The following COL27A1 variants were observed in gnomAD, a reference collection of about 807,000 sequenced individuals.
COL27A1 encodes the protein collagen type XXVII alpha 1 chain, also known as collagen alpha-1(XXVII) chain.
In COL27A1, 106 loss-of-function variants were observed where a neutral mutation model predicts 251.3. The ratio of observed to expected loss-of-function variants is 0.42; its 90% CI spans 0.36 to 0.50. COL27A1 has a LOEUF of 0.50. Among genes scored for constraint, COL27A1 ranks in the 20% least tolerant of loss-of-function variants. The pLI, the probability that COL27A1 is intolerant of heterozygous loss-of-function variation, is 0.00. For synonymous variants in COL27A1, 1,000 were observed against 986.3 expected (o/e 1.01, Z -0.26); for missense variants, 2,325 against 2,522.8 (o/e 0.92, Z 1.68).
At chr9:114,299,112 G>A (rs1157458356) in intron 49 of COL27A1, among the ~76,000 whole-genome samples, 1 of 151,914 alleles carries the variant, frequency 6.6e-6, no homozygotes, top group African/African-American at 2.4e-5. Context: ...GATTAAATGG[G>A]ACCCTCCCGA....
At chr9:114,181,785 ACT>A (rs1827942377) in intron 4 of COL27A1, among the ~76,000 whole-genome samples, 1 of 152,048 alleles carries the variant, frequency 6.6e-6, no homozygotes, top group Non-Finnish European at 1.5e-5. Context: ...CCATGAATAA[ACT>A]CTGGACTTGA....
At chr9:114,201,744 G>A (rs1829594655) in intron 7 of COL27A1, among the ~76,000 whole-genome samples, 1 of 151,442 alleles carries the variant, frequency 6.6e-6, no homozygotes, top group South Asian at 2.1e-4. Flanking sequence ...GTTACTCCAG[G>A]GTTTCATGAC....
chr9:114,279,879 A>G (rs150348951), intron 37 of COL27A1, among the ~76,000 whole-genome samples: 1 of 152,294 alleles, frequency 6.6e-6, no homozygotes, highest in African/African-American at 2.4e-5. Context: ...TAATTTTAAT[A>G]ATATAGTTTA....
rs747295175 is a variant in COL27A1 at position 114,219,771 on chromosome 9, TTCTC to T, written c.2368-15_2368-12del. On this transcript the variant is annotated splice_polypyrimidine_tract_variant and intron_variant, in intron 12 of 60. Coordinates refer to ENST00000356083, the MANE Select transcript of COL27A1 (RefSeq NM_032888.4). ...GACAACACTAACCTACAGATGTTTG[TTCTC>T]TCTCATGCCCTCCAGGGGTTTCCTG... 1 of 1,585,536 alleles carries T rather than the reference TTCTC, an allele frequency of 6.3e-7. No individual in the cohort carries two copies. The highest frequency in any genetic ancestry group is 8.7e-7 in the Non-Finnish European group (1 of 1,154,198).
At chr9:114,171,756 G>C (rs1849336864) in intron 3 of COL27A1, among the ~76,000 whole-genome samples, 1 of 152,172 alleles carries the variant, frequency 6.6e-6, no homozygotes, top group Admixed American at 6.5e-5. Context: ...TTAAGCCACT[G>C]TGCCTGGCCT....
At chr9:114,188,767 A>G (rs936850965) in intron 5 of COL27A1, among the ~76,000 whole-genome samples, 1 of 152,238 alleles carries the variant, frequency 6.6e-6, no homozygotes, top group African/African-American at 2.4e-5. Context: ...TGCTAGCATT[A>G]AAGGAAGATA....
At position 114,301,709 on chromosome 9, in the gene COL27A1, G is replaced by A. The variant is rs774458769; in HGVS notation, c.4837G>A (p.Gly1613Ser). The change falls in exon 55 of 61, where the codon GGC (glycine) becomes AGC (serine). Residue 1613 changes from glycine (G) to serine (S), a missense_variant. Transcript: ENST00000356083. ...RGPPGPRGRPGPPGPPGGPIQ... is the reference protein window; with the variant it reads ...RGPPGPRGRPSPPGPPGGPIQ... ...TCCTCCCGGCCCCAGAGGGCGGCCCGGCCCCCCGGTAGGTAACTGAGTGCT... is the reference window on the plus strand; with the variant it reads ...TCCTCCCGGCCCCAGAGGGCGGCCCAGCCCCCCGGTAGGTAACTGAGTGCT... The A allele has an allele frequency of 1.3e-5, 21 of 1,612,182 alleles. No individual in the cohort carries two copies. Among genetic ancestry groups the A allele is most frequent in the African/African-American group, 2.7e-5 (2 of 74,852 alleles).
chr9:114,303,375 A>T (rs774432048), intron 56 of COL27A1, among the ~76,000 whole-genome samples: 2 of 151,360 alleles, frequency 1.3e-5, no homozygotes, highest in African/African-American at 2.4e-5. Context: ...AATAGCTGGG[A>T]TTATAGGCGC....
intron 1 of COL27A1, among the ~76,000 whole-genome samples, chr9:114,160,186 G>T (rs1362138219): frequency 6.7e-6 from 1 of 148,402 alleles, no homozygotes; most frequent in Non-Finnish European, 1.5e-5. Flanking sequence ...GCAGAGTCTC[G>T]CTCTGTCGCC....
At position 114,231,868 on chromosome 9, in the gene COL27A1, T is replaced by C. The variant is rs1831983184; in HGVS notation, c.2565+2T>C. 6.2e-7 allele frequency: 1 copy of C among 1,613,562 alleles called. No individual in the cohort carries two copies. Among genetic ancestry groups the C allele is most frequent in the African/African-American group, 1.3e-5 (1 of 74,872 alleles). On this transcript the variant is annotated splice_donor_variant, in intron 16 of 60. Coordinates refer to ENST00000356083, the MANE Select transcript of COL27A1 (RefSeq NM_032888.4). LOFTEE classifies it high-confidence loss of function. ...GAGCCCGGACTGAAAGGTGATAAGG[T>C]GATCTGAATACTCCCTTATTGCACT...
intron 24 of COL27A1, among the ~76,000 whole-genome samples, chr9:114,247,847 C>G (rs1299018273): frequency 6.6e-6 from 1 of 152,206 alleles, no homozygotes; most frequent in Non-Finnish European, 1.5e-5. Context: ...ACAGGACCTC[C>G]TTGTAATCAT....
At position 114,222,212 on chromosome 9, in the gene COL27A1, T is replaced by C. The variant is rs752501216; in HGVS notation, c.2422-11T>C. 1 of 1,613,424 alleles carries C rather than the reference T, an allele frequency of 6.2e-7. No homozygotes were observed. The highest frequency in any genetic ancestry group is 1.7e-5 in the Admixed American group (1 of 60,010). ...GGACAAGTAACCACCTTGGTCTCTC[T>C]CTATCTGCAGGGAGAACTGGGCCTG... On this transcript the variant is annotated splice_polypyrimidine_tract_variant and intron_variant, in intron 13 of 60. Transcript: ENST00000356083.
chr9:114,224,521 C>T (rs1250589475), intron 14 of COL27A1, among the ~76,000 whole-genome samples: 1 of 152,120 alleles, frequency 6.6e-6, no homozygotes, highest in South Asian at 2.1e-4. Flanking sequence ...TCATCCTTGG[C>T]ACATGTTCCT....
rs375834935 is a variant in COL27A1, at chr9:114,210,964, C to T, written c.2323-18C>T. On this transcript the variant is annotated intron_variant, in intron 11 of 60. Coordinates refer to ENST00000356083, the MANE Select transcript of COL27A1 (RefSeq NM_032888.4). The stretch of plus-strand genomic sequence containing the variant: ...GCTGGCATCCTGCCCTGACCTCTCC[C>T]CTGTCTCTCCCCTGCAGGGCCTGCC... 22 of 1,613,990 alleles carry T rather than the reference C, an allele frequency of 1.4e-5. No homozygotes were observed. Among genetic ancestry groups the T allele is most frequent in the Non-Finnish European group, 1.9e-5 (22 of 1,179,940 alleles).
intron 1 of COL27A1, among the ~76,000 whole-genome samples, chr9:114,161,222 A>G (rs1437611983): frequency 6.6e-6 from 1 of 152,062 alleles, no homozygotes; most frequent in Non-Finnish European, 1.5e-5. Flanking sequence ...ACAACATATA[A>G]AGACTTGAAG....
chr9:114,211,942 G>A (rs1830395196), intron 12 of COL27A1, among the ~76,000 whole-genome samples: 1 of 152,162 alleles, frequency 6.6e-6, no homozygotes, highest in Admixed American at 6.5e-5. Context: ...GCCTCCCATC[G>A]CTGGTGGTTG....
intron 37 of COL27A1, among the ~76,000 whole-genome samples, chr9:114,276,170 G>A (rs1020833248): frequency 6.6e-6 from 1 of 152,064 alleles, no homozygotes; most frequent in African/African-American, 2.4e-5. Flanking sequence ...TGGCCTTCAG[G>A]TATCACCATA....
At chr9:114,291,890 C>G (rs187669203) in intron 48 of COL27A1, among the ~76,000 whole-genome samples, 84 of 152,006 alleles carry the variant, frequency 5.5e-4, no homozygotes, top group Non-Finnish European at 1.1e-3. Context: ...AGGCAGGGCC[C>G]GGAATGCGAG....
rs1198922489 is a variant in COL27A1, at chr9:114,288,743, C to T, written c.4086C>T (p.Asp1362=). Reference sequence around the variant, plus strand: ...GAGGAGACCGCGGGGAACCGGGAGACCCTGGGTACCCTGTAAGTATCAGAG... The same window carrying T: ...GAGGAGACCGCGGGGAACCGGGAGATCCTGGGTACCCTGTAAGTATCAGAG... ...GDRGDRGEPG[D]PGYPGQEGVQ... is the part of the protein sequence containing the mutation. Residue 1362 remains aspartate, a synonymous_variant, in exon 43 of 61, where the codon GAC becomes GAT. Coordinates refer to ENST00000356083, the MANE Select transcript of COL27A1 (RefSeq NM_032888.4). The T allele has an allele frequency of 6.2e-7, 1 of 1,610,496 alleles. No individual in the cohort carries two copies. Among genetic ancestry groups the T allele is most frequent in the East Asian group, 2.2e-5 (1 of 44,720 alleles).
Sources: allele counts gnomAD v4.1 joint callset (sites outside exome capture counted in the v4.1 genomes callset), GRCh38; gene constraint gnomAD v4.1.1; transcripts MANE v1.5; gene names NCBI Gene and HGNC (gene_info 2026-07-23, HGNC 2026-07-21).